Variants in DENND4B observed in about 807,000 individuals in gnomAD.
DENND4B encodes DENN domain containing 4B, also known as DENN domain-containing protein 4B.
In DENND4B, 67 loss-of-function variants were observed where a neutral mutation model predicts 161.0. That is an observed-to-expected ratio of 0.42 (90% CI 0.34 to 0.51). DENND4B has a LOEUF of 0.51. DENND4B is among the 20% of genes least tolerant of loss of function. DENND4B has a pLI of 0.08. For synonymous variants in DENND4B, 753 were observed against 813.8 expected, an observed-to-expected ratio of 0.93 and a Z score of 1.27; for missense variants, 1,481 against 1,968.0, an observed-to-expected ratio of 0.75 and a Z score of 4.68.
Position 153,932,880 on chromosome 1 carries a change from T to C in DENND4B, c.3604A>G (p.Thr1202Ala), listed in dbSNP as rs917476815. The part of the protein sequence containing the change: ...CPFVPLLSVQ[T>A]LDSRPSVPSP... ...GGGCACCTGGGCCGGGAATCAAGGG[T>C]CTGGACACTGAGCAGGGGCACAAAG... The change falls in exon 22 of 28, where the codon ACC becomes GCC. Residue 1202 changes from threonine (T) to alanine (A), a missense_variant. Thr to Ala is a moderately conservative substitution (Grantham distance 58, BLOSUM62 0). Around this residue, in one of 3 missense-constraint regions of DENND4B, gnomAD observed 336 missense variants for 503.3 expected, o/e 0.67. Transcript: ENST00000361217. The surrounding 1 kb of genome is among the most constrained non-coding windows in gnomAD (Gnocchi z 5.8). The C allele has an allele frequency of 6.2e-7, 1 of 1,613,722 alleles. No individual in the cohort carries two copies. Among genetic ancestry groups the C allele is most frequent in the Admixed American group, 1.7e-5 (1 of 59,998 alleles).
At position 153,936,606 on chromosome 1, in the gene DENND4B, G is replaced by T; in HGVS notation, c.2375C>A (p.Ala792Glu). ...CAGCACATGGTAGGCTGTGTGCAGT[G>T]CCTGCACTCGGGAGGGTGCCGACCG... ...YVRSAPSRVQ[A>E]LHTAYHVLRQ... Residue 792 changes from alanine to glutamate, a missense_variant, in exon 16 of 28, where the codon GCA (alanine) becomes GAA (glutamate). This residue lies in a region of DENND4B where 806 missense variants were observed against 1,134.4 expected (regional missense o/e 0.71). Coordinates refer to ENST00000361217, the MANE Select transcript of DENND4B (RefSeq NM_014856.3). The surrounding 1 kb of genome is among the most constrained non-coding windows in gnomAD (Gnocchi z 4.1). 6.2e-7 allele frequency: 1 copy of T among 1,612,462 alleles called. No individual in the cohort carries two copies. The highest frequency in any genetic ancestry group is 8.5e-7 in the Non-Finnish European group (1 of 1,179,132).
rs751021092 is a variant in DENND4B, at chr1:153,937,857, G to T, written c.1972C>A (p.Pro658Thr). Residue 658 changes from proline to threonine, a missense_variant, in exon 14 of 28, where the codon CCA (proline) becomes ACA (threonine). By Grantham distance (38) the Pro-to-Thr change is conservative (BLOSUM62 -1). Around this residue, in one of 3 missense-constraint regions of DENND4B, gnomAD observed 806 missense variants for 1,134.4 expected, o/e 0.71. Coordinates refer to ENST00000361217, the MANE Select transcript of DENND4B (RefSeq NM_014856.3). This position sits in a 1 kb window ranked among gnomAD's most constrained non-coding sequence, Gnocchi z 4.7. ...FFDSCVEKVH[P>T]EQEKPEPTPL... ...GTCGGCTCAGGCTTCTCCTGCTCTG[G>T]GTGGACCTGGAGAAGGATTTTAAGA... is the stretch of plus-strand genomic sequence containing the variant. The T allele has an allele frequency of 1.9e-6, 3 of 1,614,018 alleles. No individual in the cohort carries two copies. Among genetic ancestry groups the T allele is most frequent in the Non-Finnish European group, 2.5e-6 (3 of 1,179,906 alleles).
Position 153,941,039 on chromosome 1 carries a change from G to T in DENND4B, c.1191C>A (p.Ser397Arg), listed in dbSNP as rs775478133. ...VSSPLPLSGA[S>R]FLQLLQSLGP... ...CCAGGCTCTGCAGCAGCTGCAGGAA[G>T]CTGGCACCACTGCAGGCAATGCCGA... The change falls in exon 9 of 28, where the codon AGC becomes AGA. Residue 397 changes from serine to arginine, a missense_variant. Ser to Arg is a moderately radical substitution (Grantham distance 110). Transcript: ENST00000361217. 1 of 1,558,222 alleles carries T rather than the reference G, an allele frequency of 6.4e-7. No homozygotes were observed. The highest frequency in any genetic ancestry group is 1.2e-5 in the South Asian group (1 of 84,918).
Position 153,936,048 on chromosome 1 carries a change from C to G in DENND4B, c.2568+12G>C. Reference sequence around the variant, plus strand: ...ACAGCTGCCATCCCACCCCTCACCCCAAAGTAGGTACCTTATTGTAGTAGC... The same window carrying G: ...ACAGCTGCCATCCCACCCCTCACCCGAAAGTAGGTACCTTATTGTAGTAGC... On this transcript the variant is annotated intron_variant, in intron 17 of 27. Transcript: ENST00000361217. This position sits in a 1 kb window ranked among gnomAD's most constrained non-coding sequence, Gnocchi z 4.1. 1 of 1,612,610 alleles carries G rather than the reference C, an allele frequency of 6.2e-7. No homozygotes were observed. The highest frequency in any genetic ancestry group is 8.5e-7 in the Non-Finnish European group (1 of 1,179,308).
chr1:153,944,927 C>A lies in DENND4B; in HGVS notation c.-23-530G>T, dbSNP rs895422380. Among the ~76,000 whole-genome samples the A allele has an allele frequency of 6.6e-6, 1 of 152,166 alleles. No individual in the cohort carries two copies. Among genetic ancestry groups the A allele is most frequent in the Non-Finnish European group, 1.5e-5 (1 of 68,034 alleles). On this transcript the variant is annotated intron_variant, in intron 1 of 27. Coordinates refer to ENST00000361217, the MANE Select transcript of DENND4B (RefSeq NM_014856.3). The surrounding 1 kb of genome is among the most constrained non-coding windows in gnomAD (Gnocchi z 4.8). ...TCTGAGAAAGCCCACAAAACCCAAG[C>A]TTTAAGAGTCTTTTCAACGAACCCA...
intron 1 of DENND4B, among the ~76,000 whole-genome samples, chr1:153,945,572 A>ACG (rs1329228759): frequency 1.3e-5 from 2 of 151,776 alleles, no homozygotes; most frequent in South Asian, 2.1e-4. Context: ...ACACACACAC[A>ACG]CACGCACACA....
rs1321538943 is a variant in DENND4B, at chr1:153,932,941, A to G, written c.3543T>C (p.Ser1181=). 1.2e-6 allele frequency: 2 copies of G among 1,614,028 alleles called. No individual in the cohort carries two copies. The highest frequency in any genetic ancestry group is 1.7e-6 in the Non-Finnish European group (2 of 1,179,888). ...EIMAGWAPDD[S]NLNTTCPFCA... Reference sequence around the variant, plus strand: ...AGAAGGGGCAGGTTGTGTTGAGGTTAGAGTCATCAGGTGCCCAGCCAGCCA... The same window carrying G: ...AGAAGGGGCAGGTTGTGTTGAGGTTGGAGTCATCAGGTGCCCAGCCAGCCA... The change falls in exon 22 of 28, where the codon TCT becomes TCC. Residue 1181 remains serine, a synonymous_variant. Transcript: ENST00000361217. This position sits in a 1 kb window ranked among gnomAD's most constrained non-coding sequence, Gnocchi z 5.8.
At chr1:153,939,183 AC>A in intron 12 of DENND4B, 138 bp from the exon 13 acceptor site, 1 of 1,066,110 alleles carries the variant, frequency 9.4e-7, no homozygotes, top group Non-Finnish European at 1.3e-6. Flanking sequence ...TGGCACAACT[AC>A]CCTAATACCA....
Position 153,940,964 on chromosome 1 carries a change from C to T in DENND4B, c.1266G>A (p.Lys422=). The T allele has an allele frequency of 6.3e-7, 1 of 1,596,612 alleles. No homozygotes were observed. The change falls in exon 9 of 28, where the codon AAG becomes AAA. Residue 422 remains lysine, a synonymous_variant. Transcript: ENST00000361217. This position sits in a 1 kb window ranked among gnomAD's most constrained non-coding sequence, Gnocchi z 5.6. The part of the protein sequence containing the change: ...TLLLAVLTEH[K]LLVHSLRPDL... ...CTGGCCGCAGCGAGTGGACTAGCAG[C>T]TTGTGCTCTGTGAGCACAGCCAGCA...
Position 153,934,830 on chromosome 1 carries a change from T to TGCTGCTGCTGCTGCTGCTGCTGCTGC in DENND4B, c.2702_2703insGCAGCAGCAGCAGCAGCAGCAGCAGC (p.Gln910HisfsTer48). The TGCTGCTGCTGCTGCTGCTGCTGCTGC allele has an allele frequency of 1.6e-6, 2 of 1,285,092 alleles. No individual in the cohort carries two copies. Among genetic ancestry groups the TGCTGCTGCTGCTGCTGCTGCTGCTGC allele is most frequent in the South Asian group, 1.3e-5 (1 of 76,120 alleles). The allele number at this position is 1,285,092 out of a possible 1,614,324, so 79.6% of individuals were successfully genotyped here. A position where few individuals can be genotyped will look rare whatever the true frequency, so the allele number is the denominator to read the frequency against. On this transcript the variant is annotated frameshift_variant, in exon 18 of 28. Transcript: ENST00000361217. LOFTEE classifies it high-confidence loss of function. This position sits in a 1 kb window ranked among gnomAD's most constrained non-coding sequence, Gnocchi z 5.3. ...GCTGCTGCTGCTGCTGCTGCTGCTG[T>TGCTGCTGCTGCTGCTGCTGCTGCTGC]TGCTGCTGCTGCTGCTGTTGCCGTT... is the stretch of plus-strand genomic sequence containing the variant.
At chr1:153,931,166 A>G (rs1678901618) in intron 24 of DENND4B, 102 bp from the exon 25 acceptor site, 1 of 880,162 alleles carries the variant, frequency 1.1e-6, no homozygotes, top group African/African-American at 1.7e-5. Context: ...CCATTACAGG[A>G]CACAGCCAAA....
chr1:153,932,165 G>A lies in DENND4B; in HGVS notation c.3996+39C>T, dbSNP rs910656818. Reference sequence around the variant, plus strand: ...GTGGACAAATGGCTGAGAGATGAGGGAGGCACTTAGGAAACAGGGGCCACA... The same window carrying A: ...GTGGACAAATGGCTGAGAGATGAGGAAGGCACTTAGGAAACAGGGGCCACA... On this transcript the variant is annotated intron_variant, in intron 24 of 27. Coordinates refer to ENST00000361217, the MANE Select transcript of DENND4B (RefSeq NM_014856.3). This position sits in a 1 kb window ranked among gnomAD's most constrained non-coding sequence, Gnocchi z 5.8. 6.4e-7 allele frequency: 1 copy of A among 1,559,040 alleles called. No homozygotes were observed. Among genetic ancestry groups the A allele is most frequent in the Non-Finnish European group, 8.8e-7 (1 of 1,137,494 alleles).
intron 6 of DENND4B, 31 bp from the exon 7 acceptor site, chr1:153,941,471 C>T: frequency 1.3e-6 from 2 of 1,591,836 alleles, no homozygotes; most frequent in South Asian, 1.1e-5. Context: ...TCAGAGCATA[C>T]TCCCCCGTCC....
chr1:153,941,509 A>T, intron 6 of DENND4B, 69 bp from the exon 7 acceptor site: 1 of 1,505,852 alleles, frequency 6.6e-7, no homozygotes. Context: ...ACATTTTCTC[A>T]GCTCTTTCAC....
At position 153,930,736 on chromosome 1, in the gene DENND4B, C is replaced by T; in HGVS notation, c.4236G>A (p.Leu1412=). ...LNEVHKAVGL[L]LETLGPPPTG... is the part of the protein sequence containing the mutation. ...TGGGTGGGGGCCCTAGAGTTTCCAG[C>T]AGGAGCCCCACAGCCTTGTGCACTT... The change falls in exon 26 of 28, where the codon CTG becomes CTA. Residue 1412 remains leucine, a synonymous_variant. Transcript: ENST00000361217. This position sits in a 1 kb window ranked among gnomAD's most constrained non-coding sequence, Gnocchi z 4.7. 2 of 1,611,130 alleles carry T rather than the reference C, an allele frequency of 1.2e-6. No homozygotes were observed. Among genetic ancestry groups the T allele is most frequent in the Non-Finnish European group, 1.7e-6 (2 of 1,178,488 alleles).
chr1:153,945,120 C>G, intron 1 of DENND4B: 1 of 1,289,454 alleles, frequency 7.8e-7, no homozygotes, highest in Non-Finnish European at 1.0e-6. Flanking sequence ...AGGCCCACAA[C>G]AGCCTAGTTC....
Position 153,940,088 on chromosome 1 carries a change from A to T in DENND4B, c.1603+68T>A. On this transcript the variant is annotated intron_variant, in intron 11 of 27. Transcript: ENST00000361217. This position sits in a 1 kb window ranked among gnomAD's most constrained non-coding sequence, Gnocchi z 5.6. Reference sequence around the variant, plus strand: ...TTAAGAAATGTCTAGCTCCCCACAGACCTCTGCAAACTGGAGGTTTGAGGG... The same window carrying T: ...TTAAGAAATGTCTAGCTCCCCACAGTCCTCTGCAAACTGGAGGTTTGAGGG... 1 of 1,343,702 alleles carries T rather than the reference A, an allele frequency of 7.4e-7. No individual in the cohort carries two copies. Among genetic ancestry groups the T allele is most frequent in the Non-Finnish European group, 1.0e-6 (1 of 985,894 alleles). 83.2% of individuals were successfully genotyped at this position (1,343,702 alleles called of 1,614,324 possible).
chr1:153,946,857 C>T (rs1680004456), upstream of DENND4B, among the ~76,000 whole-genome samples: 1 of 152,216 alleles, frequency 6.6e-6, no homozygotes, highest in Admixed American at 6.5e-5. This position sits in a 1 kb window ranked among gnomAD's most constrained non-coding sequence, Gnocchi z 6.3. Flanking sequence ...GCTCCCTTCC[C>T]GCCTGGGTCC....
In DENND4B at chr1:153,930,080, A is replaced by G. The variant is rs1165533609; in HGVS notation, c.*217T>C. ...ACCAACTCCCCCCAGATCTCCCCCA[A>G]CATCAGCACGAACAAACTGGGTAGG... On this transcript the variant is annotated 3_prime_UTR_variant, in exon 28 of 28. Coordinates refer to ENST00000361217, the MANE Select transcript of DENND4B (RefSeq NM_014856.3). The surrounding 1 kb of genome is among the most constrained non-coding windows in gnomAD (Gnocchi z 4.7). 4.7e-6 allele frequency: 3 copies of G among 639,912 alleles called. No individual in the cohort carries two copies. The highest frequency in any genetic ancestry group is 2.9e-5 in the East Asian group (1 of 35,064). The allele number at this position is 639,912 out of a possible 1,614,324, so 39.6% of individuals were successfully genotyped here. A position where few individuals can be genotyped will look rare whatever the true frequency, so the allele number is the denominator to read the frequency against.
Sources: gnomAD v4.1 joint callset for allele counts (sites outside exome capture counted in the v4.1 genomes callset) on GRCh38, gnomAD v4.1.1 for gene constraint, gnomAD v4.1.1 regional missense constraint, Gnocchi (gnomAD v3.1) non-coding constraint, MANE v1.5 for transcripts, NCBI Gene and HGNC (gene_info 2026-07-23, HGNC 2026-07-21) for gene names.